UTP20: variants seen among roughly 807,000 people sequenced by gnomAD.
UTP20 encodes UTP20 small subunit processome component, also known as small subunit processome component 20 homolog.
Under a neutral mutation model 329.5 loss-of-function variants are expected in UTP20, and 164 were observed. The observed-to-expected ratio is 0.50, with a 90% CI of 0.44 to 0.57. The LOEUF is 0.57. Ranked by LOEUF, UTP20 falls within the 20% of genes least tolerant of loss-of-function variation. The probability of loss-of-function intolerance (pLI) is 0.00; values close to 1 mark genes in which losing one functional copy is unlikely to be tolerated. For synonymous variants in UTP20, 1,151 were observed against 1,159.3 expected (o/e 0.99, Z 0.14); for missense variants, 3,055 against 3,284.2 (o/e 0.93, Z 1.71).
intron 26 of UTP20, among the ~76,000 whole-genome samples, chr12:101,328,981 C>T (rs975940075): frequency 2.0e-5 from 3 of 151,768 alleles, no homozygotes; most frequent in African/African-American, 4.8e-5. Context: ...TTAGTTCTGT[C>T]GCAGATTTCT....
intron 25 of UTP20, among the ~76,000 whole-genome samples, chr12:101,323,818 G>C (rs943375551): frequency 6.6e-6 from 1 of 152,038 alleles, no homozygotes; most frequent in Admixed American, 6.6e-5. Context: ...CCCAATTGTC[G>C]CAATACCATT....
chr12:101,299,720 G>T lies in UTP20; in HGVS notation c.1469G>T (p.Arg490Ile). 1 of 1,605,990 alleles carries T rather than the reference G, an allele frequency of 6.2e-7. No homozygotes were observed. Among genetic ancestry groups the T allele is most frequent in the Non-Finnish European group, 8.5e-7 (1 of 1,177,778 alleles). The change falls in exon 13 of 62, where the codon AGA (arginine) becomes ATA (isoleucine). Residue 490 changes from arginine to isoleucine, a missense_variant. Coordinates refer to ENST00000261637, the MANE Select transcript of UTP20 (RefSeq NM_014503.3). ...IKQKKTRSKG[R>I]NEQFPVLDHL... is the part of the protein sequence containing the mutation. Reference sequence around the variant, plus strand: ...CAGAAGAAGACTAGATCCAAGGGAAGAAACGAACAGTTTCCAGTATTGGAC... The same window carrying T: ...CAGAAGAAGACTAGATCCAAGGGAATAAACGAACAGTTTCCAGTATTGGAC...
At chr12:101,327,361 A>G (rs1048641652) in intron 26 of UTP20, 114 bp downstream of exon 26, 6 of 1,062,964 alleles carry the variant, frequency 5.6e-6, no homozygotes, top group South Asian at 3.0e-5. Flanking sequence ...GTTCCTCCCA[A>G]TCTTGATGGC....
At position 101,320,946 on chromosome 12, in the gene UTP20, C is replaced by G; in HGVS notation, c.2915+9C>G. 1 of 1,597,150 alleles carries G rather than the reference C, an allele frequency of 6.3e-7. No homozygotes were observed. Among genetic ancestry groups the G allele is most frequent in the Non-Finnish European group, 8.5e-7 (1 of 1,174,376 alleles). On this transcript the variant is annotated intron_variant, in intron 24 of 61. Coordinates refer to ENST00000261637, the MANE Select transcript of UTP20 (RefSeq NM_014503.3). ...CATGTCCTCCCTTACAGGTAAGTTA[C>G]TTGAAGCTTAAAGAACTGTTATTTC...
intron 37 of UTP20, 41 bp downstream of exon 37, chr12:101,345,735 A>C (rs769311580): frequency 1.7e-5 from 27 of 1,560,382 alleles, no homozygotes; most frequent in Non-Finnish European, 6.9e-6. Context: ...CGACATAAGC[A>C]TACATATTTC....
chr12:101,361,550 C>T (rs1485686109), intron 43 of UTP20, among the ~76,000 whole-genome samples: 2 of 151,972 alleles, frequency 1.3e-5, no homozygotes, highest in Non-Finnish European at 2.9e-5. Flanking sequence ...CTCTTAAACT[C>T]GGGAGACGGA....
Position 101,363,075 on chromosome 12 carries a change from A to G in UTP20, c.5791-501A>G, listed in dbSNP as rs1364874570. Reference sequence around the variant, plus strand: ...TTGAACCCAGGAGCTGGAGGTTGCAATGAGCTGAGATCATGCCACTGCACT... The same window carrying G: ...TTGAACCCAGGAGCTGGAGGTTGCAGTGAGCTGAGATCATGCCACTGCACT... On this transcript the variant is annotated intron_variant, in intron 44 of 61. Coordinates refer to ENST00000261637, the MANE Select transcript of UTP20 (RefSeq NM_014503.3). Among the ~76,000 whole-genome samples, 2 of 109,134 alleles carry G rather than the reference A, an allele frequency of 1.8e-5. 1 individual carries two copies. The highest frequency in any genetic ancestry group is 1.2e-3 in the East Asian group (2 of 1,636). 71.6% of individuals were successfully genotyped at this position (109,134 alleles called of 152,430 possible).
chr12:101,295,770 A>G (rs988788744), intron 12 of UTP20, 112 bp downstream of exon 12: 55 of 1,244,080 alleles, frequency 4.4e-5, no homozygotes, highest in Middle Eastern at 2.9e-4. Flanking sequence ...GATGTCCATG[A>G]TAAGTTGTGT....
chr12:101,385,935 AAAGT>A (rs747085335), intron 61 of UTP20, 29 bp from the exon 62 acceptor site: 7 of 1,507,342 alleles, frequency 4.6e-6, no homozygotes, highest in Admixed American at 2.2e-5. Context: ...ATTTACTTTA[AAAGT>A]AATATAAAAT....
At chr12:101,341,574 A>G (rs1401986590) in intron 32 of UTP20, among the ~76,000 whole-genome samples, 1 of 152,222 alleles carries the variant, frequency 6.6e-6, no homozygotes, top group East Asian at 1.9e-4. Context: ...CATAGATGAA[A>G]ATATTTGGAG....
chr12:101,358,221 A>G (rs192973440), intron 43 of UTP20, among the ~76,000 whole-genome samples: 38 of 152,284 alleles, frequency 2.5e-4, no homozygotes, highest in African/African-American at 8.9e-4. Context: ...ATCGATTACC[A>G]TATATTTCAA....
chr12:101,367,316 C>T (rs1297215130), intron 47 of UTP20, among the ~76,000 whole-genome samples: 1 of 152,042 alleles, frequency 6.6e-6, no homozygotes, highest in Admixed American at 6.6e-5. Flanking sequence ...AAATAAAAGA[C>T]GGTGAGCTTT....
At chr12:101,331,226 A>G (rs1868747554) in intron 27 of UTP20, among the ~76,000 whole-genome samples, 1 of 152,186 alleles carries the variant, frequency 6.6e-6, no homozygotes, top group South Asian at 2.1e-4. Context: ...CACTTTAGTT[A>G]CAGAAATGAA....
At chr12:101,357,965 C>T (rs533602145) in intron 43 of UTP20, among the ~76,000 whole-genome samples, 4 of 152,232 alleles carry the variant, frequency 2.6e-5, no homozygotes, top group African/African-American at 7.2e-5. Flanking sequence ...GTTTGAGGAA[C>T]GCTGCAGCTT....
chr12:101,383,162 C>T lies in UTP20; in HGVS notation c.7778C>T (p.Ala2593Val), dbSNP rs763083231. ...CAAGAAGCTTTAGAAGATGGTGTGG[C>T]CTGTGCAGATGAGAAGGCGGAGTCT... ...EEQEALEDGVACADEKAESDG... is the reference protein window; with the variant it reads ...EEQEALEDGVVCADEKAESDG... The change falls in exon 59 of 62, where the codon GCC becomes GTC. Residue 2593 changes from alanine (A) to valine (V), a missense_variant. This residue lies in a region of UTP20 where 337 missense variants were observed against 345.5 expected (regional missense o/e 0.98). Coordinates refer to ENST00000261637, the MANE Select transcript of UTP20 (RefSeq NM_014503.3). The T allele has an allele frequency of 7.4e-6, 12 of 1,613,702 alleles. No homozygotes were observed. The highest frequency in any genetic ancestry group is 1.0e-5 in the Non-Finnish European group (12 of 1,179,854).
rs778741912 is a variant in UTP20, at chr12:101,285,634, T to A, written c.191T>A (p.Phe64Tyr). The change falls in exon 3 of 62, where the codon TTC becomes TAC. Residue 64 changes from phenylalanine (F) to tyrosine (Y), a missense_variant and splice_region_variant. By Grantham distance (22) the Phe-to-Tyr change is conservative. Around this residue, in one of 3 missense-constraint regions of UTP20, gnomAD observed 2,445 missense variants for 2,575.5 expected, o/e 0.95. Coordinates refer to ENST00000261637, the MANE Select transcript of UTP20 (RefSeq NM_014503.3). ...AGAGAATTAAACCTCACAGAACACT[T>A]CGGTATTTTCTATTTCGTTTCTATT... is the stretch of plus-strand genomic sequence containing the variant. ...KWRELNLTEHFGKFYKEVIDK... is the reference protein window; with the variant it reads ...KWRELNLTEHYGKFYKEVIDK... 2 of 1,613,830 alleles carry A rather than the reference T, an allele frequency of 1.2e-6. No individual in the cohort carries two copies. Among genetic ancestry groups the A allele is most frequent in the Admixed American group, 3.3e-5 (2 of 60,006 alleles).
In UTP20 at chr12:101,373,390, C is replaced by A; in HGVS notation, c.6879-11C>A. The A allele has an allele frequency of 6.2e-7, 1 of 1,612,350 alleles. No individual in the cohort carries two copies. The highest frequency in any genetic ancestry group is 8.5e-7 in the Non-Finnish European group (1 of 1,178,416). ...AGATACTAACAAATCCACCTAATGT[C>A]CTTCCCCTAGTTACGAACATGAGAC... On this transcript the variant is annotated splice_polypyrimidine_tract_variant and intron_variant, in intron 52 of 61. Transcript: ENST00000261637.
intron 2 of UTP20, among the ~76,000 whole-genome samples, chr12:101,284,667 T>C (rs904913): frequency 0.13 from 19,452 of 152,002 alleles, 2,640 homozygotes; most frequent in East Asian, 0.47. Context: ...TGTATGATAA[T>C]TTATTGGCTT....
chr12:101,354,951 G>A lies in UTP20; in HGVS notation c.5227G>A (p.Asp1743Asn), dbSNP rs773656267. The change falls in exon 41 of 62, where the codon GAT (aspartate) becomes AAT (asparagine). Residue 1743 changes from aspartate (D) to asparagine (N), a missense_variant. Transcript: ENST00000261637. ...LSDNGQPGTP[D>N]PADSGGTSAK... ...AGACAACGGACAACCGGGAACCCCT[G>A]ATCCAGCTGACTCTGGAGGAACATC... 1 of 1,614,122 alleles carries A rather than the reference G, an allele frequency of 6.2e-7. No individual in the cohort carries two copies. Among genetic ancestry groups the A allele is most frequent in the South Asian group, 1.1e-5 (1 of 91,080 alleles).
Sources: gnomAD v4.1 joint callset for allele counts (sites outside exome capture counted in the v4.1 genomes callset) on GRCh38, gnomAD v4.1.1 for gene constraint, gnomAD v4.1.1 regional missense constraint, MANE v1.5 for transcripts, NCBI Gene and HGNC (gene_info 2026-07-23, HGNC 2026-07-21) for gene names.